TBC1D2B: variants seen among roughly 807,000 people sequenced by gnomAD.
TBC1D2B encodes TBC1 domain family, member 2B.
Under a neutral mutation model 100.8 loss-of-function variants are expected in TBC1D2B, and 64 were observed. That is an observed-to-expected ratio of 0.64 (90% confidence interval 0.52 to 0.78). TBC1D2B has a LOEUF of 0.78. Ranked by LOEUF, TBC1D2B falls within the 30% of genes least tolerant of loss-of-function variation. The pLI is 0.00. For synonymous variants in TBC1D2B, 480 were observed against 479.7 expected (o/e 1.00, Z -0.01); for missense variants, 1,052 against 1,218.4 (o/e 0.86, Z 2.03).
chr15:78,042,068 G>A (rs914842470), intron 3 of TBC1D2B, among the ~76,000 whole-genome samples: 26 of 152,114 alleles, frequency 1.7e-4, no homozygotes, highest in Non-Finnish European at 7.3e-5. Flanking sequence ...TGTGTTACAC[G>A]GCAAAGGCAC....
At chr15:78,049,704 A>G (rs1459498393) in intron 2 of TBC1D2B, among the ~76,000 whole-genome samples, 1 of 151,910 alleles carries the variant, frequency 6.6e-6, no homozygotes, top group Non-Finnish European at 1.5e-5. Flanking sequence ...GCTGACACCA[A>G]ATTGCAAGCC....
At chr15:78,070,123 C>A (rs1336985997) in intron 1 of TBC1D2B, among the ~76,000 whole-genome samples, 1 of 152,208 alleles carries the variant, frequency 6.6e-6, no homozygotes, top group Admixed American at 6.5e-5. Flanking sequence ...CTTCCAAAGG[C>A]TATGTCCCCT....
At chr15:78,048,418 C>T (rs1384826798) in intron 2 of TBC1D2B, among the ~76,000 whole-genome samples, 1 of 152,176 alleles carries the variant, frequency 6.6e-6, no homozygotes, top group Non-Finnish European at 1.5e-5. Context: ...TAAGGGAAAA[C>T]ACAAACTAGG....
intron 12 of TBC1D2B, chr15:77,999,397 A>G (rs1567010060): frequency 2.4e-6 from 1 of 421,798 alleles, no homozygotes; most frequent in Non-Finnish European, 4.9e-6. Flanking sequence ...CTACCTGGAC[A>G]TGCTTAACTC....
In TBC1D2B at chr15:78,077,558, C is replaced by T; in HGVS notation, c.95G>A (p.Arg32Gln). Residue 32 changes from arginine (R) to glutamine (Q), a missense_variant, in exon 1 of 13, where the codon CGG becomes CAG. By Grantham distance (43) the Arg-to-Gln change is conservative (BLOSUM62 1). Around this residue, in one of 4 missense-constraint regions of TBC1D2B, gnomAD observed 627 missense variants for 646.1 expected, o/e 0.97. Coordinates refer to ENST00000300584, the MANE Select transcript of TBC1D2B (RefSeq NM_144572.2). ...ATAGCCACACAGCCGCGCTGGCTCC[C>T]GCGCCGGACCCGCCCCGGGCTCCGC... ...AAAEPGAGPA[R>Q]EPARLCGYLQ... is the part of the protein sequence containing the mutation. 1.4e-6 allele frequency: 2 copies of T among 1,451,466 alleles called. No individual in the cohort carries two copies. The highest frequency in any genetic ancestry group is 9.1e-7 in the Non-Finnish European group (1 of 1,098,202). 89.9% of individuals were successfully genotyped at this position (1,451,466 alleles called of 1,614,324 possible).
chr15:78,051,897 C>G (rs2073321227), intron 2 of TBC1D2B, among the ~76,000 whole-genome samples: 1 of 152,150 alleles, frequency 6.6e-6, no homozygotes, highest in Non-Finnish European at 1.5e-5. Context: ...ACTTCCTGAA[C>G]CATTATAGCC....
intron 6 of TBC1D2B, 46 bp from the exon 7 acceptor site, chr15:78,018,003 T>C (rs2072420601): frequency 2.8e-6 from 3 of 1,081,576 alleles, no homozygotes; most frequent in Non-Finnish European, 4.1e-6. Flanking sequence ...GGTTGAATAT[T>C]GACTAATTAA....
chr15:78,000,481 G>A (rs926886287), intron 12 of TBC1D2B, among the ~76,000 whole-genome samples: 3 of 152,236 alleles, frequency 2.0e-5, no homozygotes, highest in Admixed American at 2.0e-4. Flanking sequence ...CAGGCTCACC[G>A]CAGGACTCAG....
chr15:77,999,531 G>A, intron 12 of TBC1D2B: 1 of 228,196 alleles, frequency 4.4e-6, no homozygotes, highest in South Asian at 4.7e-5. Context: ...CCCCGCGTGT[G>A]GATTTCTCGG....
intron 3 of TBC1D2B, among the ~76,000 whole-genome samples, chr15:78,043,339 A>G (rs2073127796): frequency 6.6e-6 from 1 of 152,196 alleles, no homozygotes; most frequent in East Asian, 1.9e-4. Flanking sequence ...TGGACTCTAC[A>G]GGACAGCAAG....
rs368714497 is a variant in TBC1D2B, at chr15:78,056,686, CTTTTTTTTTTTTTT to C, written c.361-2513_361-2500del. On this transcript the variant is annotated intron_variant, in intron 1 of 12. Transcript: ENST00000300584. ...AGCCCAAAGCCCACCCAGTCCTCCT[CTTTTTTTTTTTTTT>C]TTTTTTTTTTTTTTTTTGCAGATGA... 1.0e-3 allele frequency among the ~76,000 whole-genome samples: 113 copies of C among 112,914 alleles called. 1 individual carries two copies. The highest frequency in any genetic ancestry group is 5.4e-3 in the Middle Eastern group (1 of 186). 74.1% of individuals were successfully genotyped at this position (112,914 alleles called of 152,430 possible).
At chr15:78,043,068 T>A (rs1270449041) in intron 3 of TBC1D2B, among the ~76,000 whole-genome samples, 7 of 152,156 alleles carry the variant, frequency 4.6e-5, no homozygotes, top group Non-Finnish European at 7.3e-5. Flanking sequence ...AGCTCCAATA[T>A]AACCTATATA....
intron 1 of TBC1D2B, among the ~76,000 whole-genome samples, chr15:78,062,205 C>T (rs944027972): frequency 6.6e-6 from 1 of 152,224 alleles, no homozygotes; most frequent in Non-Finnish European, 1.5e-5. Flanking sequence ...CAAGAAACTG[C>T]TGTCCTAACA....
intron 3 of TBC1D2B, among the ~76,000 whole-genome samples, chr15:78,041,701 A>C (rs1420207941): frequency 6.6e-6 from 1 of 152,210 alleles, no homozygotes; most frequent in Non-Finnish European, 1.5e-5. Flanking sequence ...AAAAACAAAC[A>C]AAAGAAAAAC....
At chr15:78,021,898 A>G (rs1471023670) in intron 6 of TBC1D2B, among the ~76,000 whole-genome samples, 1 of 152,182 alleles carries the variant, frequency 6.6e-6, no homozygotes, top group African/African-American at 2.4e-5. Flanking sequence ...AAGGAGCTGC[A>G]TAGTCGCCAC....
chr15:78,019,796 T>C (rs1442506656), intron 6 of TBC1D2B, among the ~76,000 whole-genome samples: 1 of 151,362 alleles, frequency 6.6e-6, no homozygotes, highest in South Asian at 2.1e-4. Flanking sequence ...TTCTGAGGCA[T>C]GAGAATCACT....
At position 78,055,954 on chromosome 15, in the gene TBC1D2B, A is replaced by T. The variant is rs1404885710; in HGVS notation, c.361-1767T>A. ...ACTGGGGAAGGACACATAGCCAAAG[A>T]GGGGAGGTGCAGCAAAGGACAAGGT... On this transcript the variant is annotated intron_variant, in intron 1 of 12. Coordinates refer to ENST00000300584, the MANE Select transcript of TBC1D2B (RefSeq NM_144572.2). Among the ~76,000 whole-genome samples the T allele has an allele frequency of 2.0e-5, 3 of 152,300 alleles. No homozygotes were observed. The East Asian group carries it at 5.8e-4, about 29-fold the overall frequency.
chr15:78,002,970 C>G, intron 11 of TBC1D2B: 1 of 205,908 alleles, frequency 4.9e-6, no homozygotes, highest in Non-Finnish European at 1.0e-5. Context: ...TAATCCCCTG[C>G]TTATTAGATC....
chr15:78,048,513 A>G (rs926325114), intron 2 of TBC1D2B, among the ~76,000 whole-genome samples: 9 of 152,344 alleles, frequency 5.9e-5, no homozygotes, highest in Admixed American at 5.9e-4. Context: ...CAGTGGGGAA[A>G]GAAAGTCTGT....
Sources: allele counts gnomAD v4.1 joint callset (sites outside exome capture counted in the v4.1 genomes callset), GRCh38; gene constraint gnomAD v4.1.1; regional missense constraint gnomAD v4.1.1; transcripts MANE v1.5; gene names NCBI Gene and HGNC (gene_info 2026-07-23, HGNC 2026-07-21).